VGLL4: variants seen among roughly 807,000 people sequenced by gnomAD.
VGLL4 encodes the protein transcription cofactor vestigial-like protein 4.
In VGLL4, 7 loss-of-function variants were observed where a neutral mutation model predicts 21.0. That is an observed-to-expected ratio of 0.33 (90% CI 0.19 to 0.63). The LOEUF is 0.63. VGLL4 is among the 20% of genes least tolerant of loss of function. The pLI is 0.78. For synonymous variants in VGLL4, 222 were observed against 173.2 expected (o/e 1.28, Z -2.21); for missense variants, 394 against 425.7 (o/e 0.93, Z 0.66).
At chr3:11,639,818 G>A (rs1559917278) in intron 1 of VGLL4, among the ~76,000 whole-genome samples, 1 of 152,148 alleles carries the variant, frequency 6.6e-6, no homozygotes, top group Admixed American at 6.5e-5. Context: ...AGAGGTTGCA[G>A]TGAGTGGAGA....
At chr3:11,712,612 T>C (rs2076863545) in intron 1 of VGLL4, among the ~76,000 whole-genome samples, 1 of 152,186 alleles carries the variant, frequency 6.6e-6, no homozygotes, top group South Asian at 2.1e-4. Context: ...GGAAGTGACT[T>C]CCTGAAGCAA....
At chr3:11,609,585 G>A (rs1442847982) in intron 1 of VGLL4, among the ~76,000 whole-genome samples, 2 of 152,180 alleles carry the variant, frequency 1.3e-5, no homozygotes, top group Non-Finnish European at 2.9e-5. Context: ...GAACAATCAA[G>A]GCCATGACCT....
intron 1 of VGLL4, chr3:11,627,415 T>TAA (rs950759987): frequency 2.7e-5 from 4 of 149,292 alleles, no homozygotes; most frequent in African/African-American, 9.9e-5. Flanking sequence ...CCGTCTCTAC[T>TAA]AAAAAAAAAG....
intron 2 of VGLL4, among the ~76,000 whole-genome samples, chr3:11,685,031 T>C (rs2076426585): frequency 6.6e-6 from 1 of 152,086 alleles, no homozygotes; most frequent in South Asian, 2.1e-4. Flanking sequence ...CCCCTCTTTG[T>C]GTCATGAGTT....
At chr3:11,586,125 AT>A (rs1291981832) in intron 2 of VGLL4, among the ~76,000 whole-genome samples, 27 of 152,354 alleles carry the variant, frequency 1.8e-4, no homozygotes, top group African/African-American at 4.1e-4. Context: ...ATGTAAAAGA[AT>A]TTTTTAAAAA....
At chr3:11,602,130 GA>G (rs2074820874) in intron 1 of VGLL4, 108 bp from the exon 2 acceptor site, 1 of 1,151,694 alleles carries the variant, frequency 8.7e-7, no homozygotes, top group South Asian at 2.0e-5. Flanking sequence ...ACTCCCAGTG[GA>G]AAGTTTTTGG....
At chr3:11,665,601 C>T (rs2076110462) in intron 2 of VGLL4, among the ~76,000 whole-genome samples, 1 of 152,204 alleles carries the variant, frequency 6.6e-6, no homozygotes, top group Non-Finnish European at 1.5e-5. Flanking sequence ...TTGCTCCCTG[C>T]AAAGGAAGCC....
At chr3:11,613,792 A>C (rs2075108009) in intron 1 of VGLL4, among the ~76,000 whole-genome samples, 1 of 152,332 alleles carries the variant, frequency 6.6e-6, no homozygotes, top group Non-Finnish European at 1.5e-5. Context: ...TGTTTGTTGG[A>C]TTCCATCTGT....
chr3:11,655,844 C>T (rs1406340623), intron 2 of VGLL4, among the ~76,000 whole-genome samples: 2 of 152,162 alleles, frequency 1.3e-5, no homozygotes, highest in Admixed American at 6.5e-5. Context: ...CTCTGATGAA[C>T]GGCCATCTCC....
At chr3:11,672,883 A>T (rs2076236985) in intron 2 of VGLL4, among the ~76,000 whole-genome samples, 1 of 152,240 alleles carries the variant, frequency 6.6e-6, no homozygotes. Flanking sequence ...AAAAAATTCT[A>T]TAAAAGGAAA....
At chr3:11,671,172 C>A in intron 2 of VGLL4, 3 of 1,409,320 alleles carry the variant, frequency 2.1e-6, no homozygotes, top group South Asian at 1.4e-5. Context: ...ACATACCACA[C>A]TTTTCTTTGC....
chr3:11,641,743 C>T (rs760134162), intron 1 of VGLL4, among the ~76,000 whole-genome samples: 3 of 152,110 alleles, frequency 2.0e-5, no homozygotes, highest in Non-Finnish European at 4.4e-5. Context: ...AAAGTTTCTT[C>T]CTCCCAAATA....
chr3:11,642,917 T>C (rs2075724005), intron 1 of VGLL4, among the ~76,000 whole-genome samples: 1 of 152,060 alleles, frequency 6.6e-6, no homozygotes, highest in African/African-American at 2.4e-5. Flanking sequence ...CACGGTGCCC[T>C]TCCGGCCCCA....
chr3:11,574,009 T>C (rs1284932167), intron 2 of VGLL4, among the ~76,000 whole-genome samples: 1 of 152,102 alleles, frequency 6.6e-6, no homozygotes, highest in African/African-American at 2.4e-5. Context: ...CAACAAGCCA[T>C]GGAATGCCAG....
intron 1 of VGLL4, among the ~76,000 whole-genome samples, chr3:11,638,405 T>A (rs1425064992): frequency 1.3e-5 from 2 of 152,002 alleles, no homozygotes; most frequent in Non-Finnish European, 2.9e-5. Context: ...AAGGGTATAA[T>A]CACACCTTCC....
intron 1 of VGLL4, among the ~76,000 whole-genome samples, chr3:11,711,570 A>T (rs1250193529): frequency 6.6e-6 from 1 of 151,470 alleles, no homozygotes; most frequent in African/African-American, 2.4e-5. Flanking sequence ...AAAAAAAATT[A>T]GCCAGGTATG....
chr3:11,660,369 G>A (rs941025784), intron 2 of VGLL4, among the ~76,000 whole-genome samples: 2 of 152,068 alleles, frequency 1.3e-5, no homozygotes, highest in African/African-American at 4.8e-5. Flanking sequence ...CATTTAATAT[G>A]GCCTACTATA....
chr3:11,634,240 T>C (rs1324942724), intron 1 of VGLL4, among the ~76,000 whole-genome samples: 1 of 152,180 alleles, frequency 6.6e-6, no homozygotes, highest in African/African-American at 2.4e-5. Flanking sequence ...TCTTCCTGTG[T>C]TTCCTGTCTC....
intron 2 of VGLL4, among the ~76,000 whole-genome samples, chr3:11,659,937 T>C (rs949722331): frequency 6.6e-6 from 1 of 151,864 alleles, no homozygotes; most frequent in Admixed American, 6.6e-5. Context: ...CCGAGACTAG[T>C]GGATCATGAG....
Sources: allele counts gnomAD v4.1 joint callset (sites outside exome capture counted in the v4.1 genomes callset), GRCh38; gene constraint gnomAD v4.1.1; transcripts MANE v1.5; gene names NCBI Gene and HGNC (gene_info 2026-07-23, HGNC 2026-07-21).